The following PALM2AKAP2 variants were observed in gnomAD, a reference collection of about 807,000 sequenced individuals.
PALM2AKAP2 encodes PALM2 and AKAP2 fusion.
A neutral mutation model predicts 71.5 loss-of-function variants in PALM2AKAP2; 37 were observed. The ratio of observed to expected loss-of-function variants is 0.52; its 90% CI spans 0.40 to 0.68. PALM2AKAP2 has a LOEUF of 0.68. Ranked by LOEUF, PALM2AKAP2 falls within the 30% of genes least tolerant of loss-of-function variation. The pLI is 0.00. For synonymous variants in PALM2AKAP2, 468 were observed against 478.8 expected (o/e 0.98, Z 0.29); for missense variants, 1,224 against 1,191.8 (o/e 1.03, Z -0.40).
chr9:109,707,627 C>G (rs2118599005), intron 1 of PALM2AKAP2, among the ~76,000 whole-genome samples: 1 of 152,258 alleles, frequency 6.6e-6, no homozygotes, highest in East Asian at 1.9e-4. Context: ...GTCTTCTGGT[C>G]CTGCCTGTTT....
chr9:109,854,761 A>ATC (rs1554720925), intron 1 of PALM2AKAP2, among the ~76,000 whole-genome samples: 25 of 65,770 alleles, frequency 3.8e-4, no homozygotes, highest in Non-Finnish European at 7.3e-4. Flanking sequence ...AAAAGAATGT[A>ATC]TCTTTTTTTT....
chr9:109,950,311 A>G (rs1189429676), intron 6 of PALM2AKAP2, among the ~76,000 whole-genome samples: 1 of 152,080 alleles, frequency 6.6e-6, no homozygotes, highest in Non-Finnish European at 1.5e-5. Context: ...AAACAAAAAA[A>G]CAATTATCAG....
At position 110,171,263 on chromosome 9, in the gene PALM2AKAP2, T is replaced by C. The variant is rs930138983; in HGVS notation, c.*2766T>C. On this transcript the variant is annotated 3_prime_UTR_variant, in exon 4 of 4. Transcript: ENST00000374525. ...ACAGTTGATTGAACCAGAGCACTTA[T>C]TGCTTAAAGAATAACAGAGTTCTAG... is the stretch of plus-strand genomic sequence containing the variant. 5.3e-5 allele frequency: 8 copies of C among 152,344 alleles called. No homozygotes were observed. The East Asian group carries it at 1.3e-3, about 26-fold the overall frequency. The allele number at this position is 152,344 out of a possible 1,614,324, so 9.4% of individuals were successfully genotyped here. A position where few individuals can be genotyped will look rare whatever the true frequency, so the allele number is the denominator to read the frequency against.
chr9:109,848,019 A>G (rs1828910800), intron 1 of PALM2AKAP2, among the ~76,000 whole-genome samples: 1 of 152,222 alleles, frequency 6.6e-6, no homozygotes, highest in African/African-American at 2.4e-5. Context: ...ATTGGCTTAT[A>G]AACTTGTTCC....
intron 1 of PALM2AKAP2, among the ~76,000 whole-genome samples, chr9:109,768,150 G>A (rs1035809783): frequency 2.0e-5 from 3 of 150,780 alleles, no homozygotes; most frequent in Non-Finnish European, 4.4e-5. Context: ...AAGGAAAGAA[G>A]GAAGGAGGAA....
At chr9:109,804,398 C>A (rs1279157764) in intron 1 of PALM2AKAP2, among the ~76,000 whole-genome samples, 1 of 152,152 alleles carries the variant, frequency 6.6e-6, no homozygotes, top group African/African-American at 2.4e-5. Context: ...TTGAATGGAT[C>A]TGAATTTTAA....
rs774157896 is a variant in PALM2AKAP2 at position 109,676,193 on chromosome 9, G to T, written c.5+35327G>T. Among the ~76,000 whole-genome samples the T allele has an allele frequency of 1.8e-4, 27 of 152,090 alleles. 1 individual carries two copies. The highest frequency in any genetic ancestry group is 1.5e-4 in the Non-Finnish European group (10 of 67,996). On this transcript the variant is annotated intron_variant, in intron 1 of 6. Coordinates refer to the PALM2AKAP2 transcript ENST00000374531. ...AGAGTTCCTCACTTCCTCACGCTCTGCTCCTTCATCTGTATTATTCAAAAA... is the reference window on the plus strand; with the variant it reads ...AGAGTTCCTCACTTCCTCACGCTCTTCTCCTTCATCTGTATTATTCAAAAA...
At chr9:109,844,703 A>G (rs1245004325) in intron 1 of PALM2AKAP2, among the ~76,000 whole-genome samples, 1 of 152,178 alleles carries the variant, frequency 6.6e-6, no homozygotes, top group Non-Finnish European at 1.5e-5. Context: ...AGTTGTGCAT[A>G]TGTAAGTCTT....
At chr9:109,916,688 A>G (rs986348057) in intron 3 of PALM2AKAP2, among the ~76,000 whole-genome samples, 4 of 152,202 alleles carry the variant, frequency 2.6e-5, no homozygotes, top group Admixed American at 1.3e-4. Flanking sequence ...CACCACCTGT[A>G]TCAGTTGAGA....
chr9:110,063,752 C>G (rs892785052), intron 1 of PALM2AKAP2, among the ~76,000 whole-genome samples: 3 of 152,138 alleles, frequency 2.0e-5, no homozygotes, highest in African/African-American at 7.2e-5. Flanking sequence ...CTCAAATTTC[C>G]TCTTCTGTAA....
At chr9:110,066,979 G>A (rs1363860230) in intron 1 of PALM2AKAP2, among the ~76,000 whole-genome samples, 1 of 152,074 alleles carries the variant, frequency 6.6e-6, no homozygotes, top group African/African-American at 2.4e-5. Context: ...CATTATCAAG[G>A]AAAGAGAGAG....
intron 6 of PALM2AKAP2, among the ~76,000 whole-genome samples, chr9:109,960,121 C>T (rs1588033806): frequency 6.6e-6 from 1 of 152,278 alleles, no homozygotes; most frequent in East Asian, 1.9e-4. Flanking sequence ...CCCACCCTGG[C>T]CCTCACTGGC....
chr9:109,652,313 G>T (rs1363234122), intron 1 of PALM2AKAP2, among the ~76,000 whole-genome samples: 2 of 151,998 alleles, frequency 1.3e-5, no homozygotes, highest in African/African-American at 2.4e-5. Flanking sequence ...TGAATGGCTT[G>T]GTACCTTCCC....
intron 3 of PALM2AKAP2, among the ~76,000 whole-genome samples, chr9:109,895,931 C>A (rs372379718): frequency 9.2e-5 from 14 of 152,154 alleles, no homozygotes; most frequent in African/African-American, 3.1e-4. Flanking sequence ...TGCCTGTAAT[C>A]CCAGCACTTT....
At chr9:109,727,450 A>G (rs1252308330) in intron 1 of PALM2AKAP2, among the ~76,000 whole-genome samples, 1 of 149,630 alleles carries the variant, frequency 6.7e-6, no homozygotes, top group Non-Finnish European at 1.5e-5. Context: ...GAATAAGATA[A>G]TTTCTAAGTT....
At position 109,694,271 on chromosome 9, in the gene PALM2AKAP2, A is replaced by T. The variant is rs144297895; in HGVS notation, c.5+53405A>T. 2.4e-4 allele frequency among the ~76,000 whole-genome samples: 36 copies of T among 152,182 alleles called. 1 individual carries two copies. The East Asian group carries it at 6.9e-3, about 29-fold the overall frequency. Reference sequence around the variant, plus strand: ...TTTGGTTAGAATAAAAAATGTGAAAACTTACATCATGTACATATTTACCTA... The same window carrying T: ...TTTGGTTAGAATAAAAAATGTGAAATCTTACATCATGTACATATTTACCTA... On this transcript the variant is annotated intron_variant, in intron 1 of 6. Coordinates refer to the PALM2AKAP2 transcript ENST00000374531.
At chr9:110,127,071 A>C (rs897775887) in intron 1 of PALM2AKAP2, among the ~76,000 whole-genome samples, 6 of 152,192 alleles carry the variant, frequency 3.9e-5, no homozygotes, top group African/African-American at 1.4e-4. Context: ...AGACAGAGAG[A>C]ATAGCAGAAC....
At position 109,734,244 on chromosome 9, in the gene PALM2AKAP2, AT is replaced by A. The variant is rs968100437; in HGVS notation, c.6-46234del. ...TTAAATGTTTTAAGAATTTGTAGTC[AT>A]TTTTTTTTTAAGCTATCCTGAGGAA... On this transcript the variant is annotated intron_variant, in intron 1 of 6. Coordinates refer to the PALM2AKAP2 transcript ENST00000374531. 2.8e-3 allele frequency among the ~76,000 whole-genome samples: 412 copies of A among 149,506 alleles called. 3 individuals are homozygous for A. The highest frequency in any genetic ancestry group is 8.0e-3 in the African/African-American group (327 of 40,786).
Position 109,867,537 on chromosome 9 carries a change from T to A in PALM2AKAP2, c.92T>A (p.Leu31His), listed in dbSNP as rs1378758514. The stretch of plus-strand genomic sequence containing the variant: ...GAAATAGAAGGCAAGCGACAACAGC[T>A]TGACGAGCAGATACTTCTGCTGCAG... Residue 31 changes from leucine to histidine, a missense_variant, in exon 2 of 10, where the codon CTT becomes CAT. By Grantham distance (99) the Leu-to-His change is moderately conservative (BLOSUM62 -3). Transcript: ENST00000302798. The A allele has an allele frequency of 6.8e-6, 11 of 1,612,914 alleles. No homozygotes were observed. The highest frequency in any genetic ancestry group is 1.7e-5 in the Admixed American group (1 of 59,904).
Sources: allele counts gnomAD v4.1 joint callset (sites outside exome capture counted in the v4.1 genomes callset), GRCh38; gene constraint gnomAD v4.1.1; transcripts MANE v1.5; gene names NCBI Gene and HGNC (gene_info 2026-07-23, HGNC 2026-07-21).